The following SOCS6 variants were observed in gnomAD, a reference collection of about 807,000 sequenced individuals.
The protein encoded by SOCS6 is STAT induced STAT inhibitor-4.
A neutral mutation model predicts 27.7 loss-of-function variants in SOCS6; 5 were observed. That is an observed-to-expected ratio of 0.18 (90% CI 0.09 to 0.38). The LOEUF (loss-of-function observed/expected upper bound fraction) is 0.38. SOCS6 is among the 10% of genes least tolerant of loss of function. SOCS6 has a pLI of 1.00. For missense variants in SOCS6, 595 were observed against 688.1 expected, an observed-to-expected ratio of 0.86 and a Z score of 1.51; for synonymous variants, 271 against 260.0, an observed-to-expected ratio of 1.04 and a Z score of -0.41.
intron 1 of SOCS6, among the ~76,000 whole-genome samples, chr18:70,313,803 A>G (rs1280282487): frequency 1.3e-5 from 2 of 152,018 alleles, no homozygotes; most frequent in African/African-American, 4.8e-5. Flanking sequence ...GTCTTTTAGA[A>G]TTTTTCTCTT....
chr18:70,309,071 T>C (rs2062380127), intron 1 of SOCS6, among the ~76,000 whole-genome samples: 2 of 152,210 alleles, frequency 1.3e-5, no homozygotes, highest in African/African-American at 2.4e-5. Flanking sequence ...TGTAAATGTG[T>C]TAGGCTTTGC....
At chr18:70,304,759 G>C (rs984993640) in intron 1 of SOCS6, among the ~76,000 whole-genome samples, 1 of 152,008 alleles carries the variant, frequency 6.6e-6, no homozygotes, top group African/African-American at 2.4e-5. Context: ...TCTTTTAATG[G>C]TTTGTTTTGA....
intron 1 of SOCS6, among the ~76,000 whole-genome samples, chr18:70,296,006 A>G (rs922497511): frequency 2.0e-5 from 3 of 152,158 alleles, no homozygotes; most frequent in Non-Finnish European, 4.4e-5. Flanking sequence ...GATTGGAGAA[A>G]GATACAGAAG....
chr18:70,296,906 C>CTTTTTTTTTTTTTTTTTTTTTTTTT (rs375704179), intron 1 of SOCS6, among the ~76,000 whole-genome samples: 2 of 129,178 alleles, frequency 1.5e-5, no homozygotes, highest in African/African-American at 3.1e-5. Context: ...CATTTTCTTT[C>CTTTTTTTTTTTTTTTTTTTTTTTTT]TTTTTTTTTT....
intron 1 of SOCS6, among the ~76,000 whole-genome samples, chr18:70,298,170 A>AAAAG (rs397955227): frequency 6.6e-6 from 1 of 152,014 alleles, no homozygotes; most frequent in Non-Finnish European, 1.5e-5. Context: ...TTAATCTTAA[A>AAAAG]GCAATGAAGA....
intron 1 of SOCS6, among the ~76,000 whole-genome samples, chr18:70,323,618 T>G (rs992832148): frequency 2.0e-5 from 3 of 152,218 alleles, no homozygotes; most frequent in Admixed American, 1.3e-4. Flanking sequence ...GCATTGAGCT[T>G]CTTCCTCCTC....
At chr18:70,298,422 T>C (rs1297520991) in intron 1 of SOCS6, among the ~76,000 whole-genome samples, 1 of 152,212 alleles carries the variant, frequency 6.6e-6, no homozygotes, top group Admixed American at 6.5e-5. Context: ...GCTATAATCA[T>C]ATATAGGTGA....
At chr18:70,300,154 A>C (rs1393841751) in intron 1 of SOCS6, among the ~76,000 whole-genome samples, 1 of 151,688 alleles carries the variant, frequency 6.6e-6, no homozygotes, top group Non-Finnish European at 1.5e-5. Flanking sequence ...CTTAAGACTT[A>C]GTCTCTCTCT....
rs1472715957 is a variant in SOCS6, at chr18:70,325,148, C to G, written c.480C>G (p.His160Gln). ...AGGTGAGAGTCAAGGCCTTGGTTCA[C>G]TCTTCCAGCCCGAGTCCAGCCCTGA... Reference protein sequence around the residue: ...KMEVRVKALVHSSSPSPALNG... With the variant: ...KMEVRVKALVQSSSPSPALNG... The change falls in exon 2 of 2, where the codon CAC (histidine) becomes CAG (glutamine). Residue 160 changes from histidine to glutamine, a missense_variant. Coordinates refer to ENST00000397942, the MANE Select transcript of SOCS6 (RefSeq NM_004232.4). The surrounding 1 kb of genome is among the most constrained non-coding windows in gnomAD (Gnocchi z 6.3). The G allele has an allele frequency of 6.2e-7, 1 of 1,614,094 alleles. No individual in the cohort carries two copies. Among genetic ancestry groups the G allele is most frequent in the Non-Finnish European group, 8.5e-7 (1 of 1,180,046 alleles).
intron 1 of SOCS6, among the ~76,000 whole-genome samples, chr18:70,320,764 C>T (rs1252021371): frequency 6.6e-6 from 1 of 152,176 alleles, no homozygotes; most frequent in Non-Finnish European, 1.5e-5. Context: ...CAGGAATCCA[C>T]AGGGGATCCT....
In SOCS6 at chr18:70,328,248, G is replaced by A. The variant is rs1018148896; in HGVS notation, c.*1972G>A. 6.0e-6 allele frequency: 1 copy of A among 167,014 alleles called. No homozygotes were observed. The highest frequency in any genetic ancestry group is 2.4e-5 in the African/African-American group (1 of 41,440). The allele number at this position is 167,014 out of a possible 1,614,324, so 10.3% of individuals were successfully genotyped here. On this transcript the variant is annotated 3_prime_UTR_variant, in exon 2 of 2. Transcript: ENST00000397942. ...ACAACTTAAAGTATATCTAGGGTGA[G>A]TTAAAAGTCCCTGTGCATCTATATT...
intron 1 of SOCS6, among the ~76,000 whole-genome samples, chr18:70,300,288 G>C (rs1161414263): frequency 6.6e-6 from 1 of 151,978 alleles, no homozygotes; most frequent in Non-Finnish European, 1.5e-5. Context: ...CACCACACCT[G>C]GTTAGTTTTT....
intron 1 of SOCS6, among the ~76,000 whole-genome samples, chr18:70,301,184 T>C (rs1158525247): frequency 1.3e-5 from 2 of 152,168 alleles, no homozygotes; most frequent in East Asian, 3.8e-4. Context: ...AGGACCTTAT[T>C]ACAGTAGTAG....
chr18:70,309,984 C>T lies in SOCS6; in HGVS notation c.-126-14559C>T, dbSNP rs191315551. Among the ~76,000 whole-genome samples, 47 of 152,344 alleles carry T rather than the reference C, an allele frequency of 3.1e-4. No individual in the cohort carries two copies. The East Asian group carries it at 8.1e-3, about 26-fold the overall frequency. On this transcript the variant is annotated intron_variant, in intron 1 of 1. Coordinates refer to ENST00000397942, the MANE Select transcript of SOCS6 (RefSeq NM_004232.4). ...TACAGGCGTGAGCCACCACGCCCAGCCTGTGCTATTATTTACATAAATTAC... is the reference window on the plus strand; with the variant it reads ...TACAGGCGTGAGCCACCACGCCCAGTCTGTGCTATTATTTACATAAATTAC...
intron 1 of SOCS6, among the ~76,000 whole-genome samples, chr18:70,305,802 A>G (rs2062366842): frequency 6.6e-6 from 1 of 152,026 alleles, no homozygotes; most frequent in South Asian, 2.1e-4. Flanking sequence ...GTCATTTTAT[A>G]TTTTGTGAAC....
chr18:70,319,833 CT>C (rs998709601), intron 1 of SOCS6, among the ~76,000 whole-genome samples: 1 of 152,066 alleles, frequency 6.6e-6, no homozygotes, highest in Non-Finnish European at 1.5e-5. Flanking sequence ...TAACTAGCTC[CT>C]TTTTTTCTGT....
chr18:70,319,229 GC>G, intron 1 of SOCS6, among the ~76,000 whole-genome samples: 1 of 152,094 alleles, frequency 6.6e-6, no homozygotes, highest in Non-Finnish European at 1.5e-5. Flanking sequence ...AGGTTTAGGA[GC>G]GGTGGAGTAG....
At chr18:70,299,586 A>G (rs2062339367) in intron 1 of SOCS6, among the ~76,000 whole-genome samples, 1 of 151,872 alleles carries the variant, frequency 6.6e-6, no homozygotes, top group Non-Finnish European at 1.5e-5. Context: ...AAAGTTCCAC[A>G]CTCTAGGCAC....
At chr18:70,296,104 T>C (rs552319971) in intron 1 of SOCS6, among the ~76,000 whole-genome samples, 1 of 152,292 alleles carries the variant, frequency 6.6e-6, no homozygotes, top group African/African-American at 2.4e-5. Flanking sequence ...TGGGGTTCCT[T>C]GTTTTCAGTT....
Sources: allele counts gnomAD v4.1 joint callset (sites outside exome capture counted in the v4.1 genomes callset), GRCh38; gene constraint gnomAD v4.1.1; non-coding constraint Gnocchi (gnomAD v3.1); transcripts MANE v1.5; gene names NCBI Gene and HGNC (gene_info 2026-07-23, HGNC 2026-07-21).